The following SPRYD7 variants were observed in gnomAD, a reference collection of about 807,000 sequenced individuals.
SPRYD7 encodes SPRY domain containing 7.
A neutral mutation model predicts 23.8 loss-of-function variants in SPRYD7; 14 were observed. The observed-to-expected ratio is 0.59, with a 90% CI of 0.39 to 0.92. SPRYD7 has a LOEUF of 0.92. Among genes scored for constraint, SPRYD7 ranks in the 40% least tolerant of loss-of-function variants. The probability of loss-of-function intolerance (pLI) is 0.00; values close to 1 mark genes in which losing one functional copy is unlikely to be tolerated. For missense variants in SPRYD7, 194 were observed against 241.7 expected (o/e 0.80, Z 1.31); for synonymous variants, 75 against 84.9 (o/e 0.88, Z 0.64).
intron 2 of SPRYD7, among the ~76,000 whole-genome samples, chr13:49,928,372 G>A (rs1345169381): frequency 6.6e-6 from 1 of 152,174 alleles, no homozygotes; most frequent in African/African-American, 2.4e-5. Flanking sequence ...AGCCAGGGAA[G>A]TTGAGGTTGC....
At chr13:49,931,524 T>C (rs547579693) in intron 1 of SPRYD7, among the ~76,000 whole-genome samples, 1 of 152,212 alleles carries the variant, frequency 6.6e-6, no homozygotes, top group Non-Finnish European at 1.5e-5. Context: ...ATTTGTTCAG[T>C]TCTAACTCAG....
At chr13:49,923,496 G>A (rs4942898) in intron 3 of SPRYD7, among the ~76,000 whole-genome samples, 13,714 of 152,104 alleles carry the variant, frequency 0.09, 1,449 homozygotes, top group East Asian at 0.54. Flanking sequence ...TGCCCGCCTC[G>A]GTCTCCCAAA....
intron 1 of SPRYD7, among the ~76,000 whole-genome samples, chr13:49,933,366 T>G (rs1871467039): frequency 6.6e-6 from 1 of 152,042 alleles, no homozygotes; most frequent in African/African-American, 2.4e-5. Context: ...TTTGGGAGGC[T>G]GAGGCAGGCA....
At chr13:49,926,721 C>A (rs1955886573) in intron 3 of SPRYD7, among the ~76,000 whole-genome samples, 2 of 151,974 alleles carry the variant, frequency 1.3e-5, no homozygotes, top group South Asian at 4.2e-4. Context: ...AATTAATTAA[C>A]CTGGATTTCT....
At chr13:49,931,258 C>A (rs1204884872) in intron 1 of SPRYD7, 124 bp from the exon 2 acceptor site, 2 of 488,490 alleles carry the variant, frequency 4.1e-6, no homozygotes, top group South Asian at 2.2e-5. Context: ...TGGCTCACTG[C>A]AACCTCTGCC....
At chr13:49,933,869 T>C (rs956054309) in intron 1 of SPRYD7, among the ~76,000 whole-genome samples, 5 of 152,134 alleles carry the variant, frequency 3.3e-5, no homozygotes, top group Non-Finnish European at 7.3e-5. Flanking sequence ...TGGAAGTCAT[T>C]TGTTTCTAAA....
At chr13:49,935,408 A>T (rs1056382751) in intron 1 of SPRYD7, among the ~76,000 whole-genome samples, 3 of 152,258 alleles carry the variant, frequency 2.0e-5, no homozygotes. Context: ...GTGGTGAAAG[A>T]GGCTATGATG....
chr13:49,920,248 CGCAAA>C (rs1343751615), intron 4 of SPRYD7, among the ~76,000 whole-genome samples: 51 of 138,390 alleles, frequency 3.7e-4, no homozygotes, highest in African/African-American at 1.3e-3. Context: ...AAGACTCTGT[CGCAAA>C]ACAAAACAAA....
At chr13:49,915,257 C>G in intron 4 of SPRYD7, 97 bp from the exon 5 acceptor site, 1 of 492,696 alleles carries the variant, frequency 2.0e-6, no homozygotes, top group Non-Finnish European at 3.6e-6. Flanking sequence ...CTCCATAATA[C>G]TACAATATTA....
At chr13:49,930,351 G>A (rs562297871) in intron 2 of SPRYD7, among the ~76,000 whole-genome samples, 5 of 152,144 alleles carry the variant, frequency 3.3e-5, no homozygotes, top group African/African-American at 7.2e-5. Context: ...GGAGGCCGAC[G>A]AGGGCAGATC....
In SPRYD7 at chr13:49,913,198, G is replaced by C. The variant is rs1361207298; in HGVS notation, c.*1865C>G. 1 of 152,110 alleles carries C rather than the reference G, an allele frequency of 6.6e-6. No homozygotes were observed. The highest frequency in any genetic ancestry group is 2.4e-5 in the African/African-American group (1 of 41,416). 9.4% of individuals were successfully genotyped at this position (152,110 alleles called of 1,614,324 possible). Reference sequence around the variant, plus strand: ...GCACTTTGGGAGGCTGAGGGAGGTGGATCATGAGGTCAGGAGTTTGAGACC... The same window carrying C: ...GCACTTTGGGAGGCTGAGGGAGGTGCATCATGAGGTCAGGAGTTTGAGACC... On this transcript the variant is annotated 3_prime_UTR_variant, in exon 5 of 5. Transcript: ENST00000361840.
In SPRYD7 at chr13:49,931,085, T is replaced by A. The variant is rs974569993; in HGVS notation, c.156A>T (p.Gly52=). The part of the protein sequence containing the change: ...VKNGRRICGT[G]GCLASAPLHQ... ...GTAAAGGTGCGCTGGCTAAACAACC[T>A]CCTGTTCCACATATTCTTCTTCCAT... Residue 52 remains glycine (G), a synonymous_variant, in exon 2 of 5, where the codon GGA becomes GGT. Coordinates refer to ENST00000361840, the MANE Select transcript of SPRYD7 (RefSeq NM_020456.4). The A allele has an allele frequency of 3.1e-6, 5 of 1,613,490 alleles. No individual in the cohort carries two copies. In the Admixed American group the frequency reaches 6.7e-5, roughly 22 times the overall value.
chr13:49,936,312 G>T lies in SPRYD7; in HGVS notation c.-77C>A. On this transcript the variant is annotated 5_prime_UTR_variant, in exon 1 of 5. Transcript: ENST00000361840. ...CCCCCGCCGCTCAGCTCCGTCTCCT[G>T]CCCCCGCCCGAGGTCCGGACTTGTC... is the stretch of plus-strand genomic sequence containing the variant. The T allele has an allele frequency of 9.3e-7, 1 of 1,071,314 alleles. No homozygotes were observed. 66.4% of individuals were successfully genotyped at this position (1,071,314 alleles called of 1,614,324 possible).
At chr13:49,930,017 T>C (rs1955929576) in intron 2 of SPRYD7, among the ~76,000 whole-genome samples, 1 of 151,576 alleles carries the variant, frequency 6.6e-6, no homozygotes, top group African/African-American at 2.4e-5. Context: ...CTTGAACTCC[T>C]GACCTCAGGT....
In SPRYD7 at chr13:49,925,220, G is replaced by A. The variant is rs866621195; in HGVS notation, c.390+2699C>T. On this transcript the variant is annotated intron_variant, in intron 3 of 4. Coordinates refer to ENST00000361840, the MANE Select transcript of SPRYD7 (RefSeq NM_020456.4). Reference sequence around the variant, plus strand: ...AGCCTGTCCAATATGGTGAAACCCCGTCTCTACTAAAAAATACAAAAATTA... The same window carrying A: ...AGCCTGTCCAATATGGTGAAACCCCATCTCTACTAAAAAATACAAAAATTA... 9.9e-5 allele frequency among the ~76,000 whole-genome samples: 15 copies of A among 151,414 alleles called. 1 individual carries two copies. In the South Asian group the frequency reaches 2.1e-3, roughly 21 times the overall value.
intron 3 of SPRYD7, among the ~76,000 whole-genome samples, chr13:49,924,976 C>CAAAA (rs1227471302): frequency 0.022 from 2,070 of 93,466 alleles, 43 homozygotes; most frequent in African/African-American, 0.078. Context: ...AACTCCATCT[C>CAAAA]AAAAAAAAAA....
chr13:49,919,629 A>C (rs1335617992), intron 4 of SPRYD7, among the ~76,000 whole-genome samples: 2 of 151,290 alleles, frequency 1.3e-5, no homozygotes, highest in African/African-American at 4.9e-5. Flanking sequence ...CTGGAGGCTG[A>C]GGCACGAGAA....
chr13:49,918,704 A>AATTTT (rs1326187487), intron 4 of SPRYD7, among the ~76,000 whole-genome samples: 2 of 147,800 alleles, frequency 1.4e-5, no homozygotes, highest in African/African-American at 5.0e-5. Flanking sequence ...TTTCTTTTTT[A>AATTTT]ATTTTATTTT....
Position 49,913,889 on chromosome 13 carries a change from T to G in SPRYD7, c.*1174A>C, listed in dbSNP as rs1955722553. On this transcript the variant is annotated 3_prime_UTR_variant, in exon 5 of 5. Transcript: ENST00000361840. ...CCTTATTTAATCATAGAATCTTATG[T>G]CAGTATGATTGCTCCTTTTATAAAT... 6.6e-6 allele frequency: 1 copy of G among 152,240 alleles called. No homozygotes were observed. The highest frequency in any genetic ancestry group is 1.5e-5 in the Non-Finnish European group (1 of 68,056). The allele number at this position is 152,240 out of a possible 1,614,324, so 9.4% of individuals were successfully genotyped here.
Sources: gnomAD v4.1 joint callset for allele counts (sites outside exome capture counted in the v4.1 genomes callset) on GRCh38, gnomAD v4.1.1 for gene constraint, MANE v1.5 for transcripts, NCBI Gene and HGNC (gene_info 2026-07-23, HGNC 2026-07-21) for gene names.